The following ENTREP2 variants were observed in gnomAD, a reference collection of about 807,000 sequenced individuals.
The protein encoded by ENTREP2 is protein ENTREP2.
chr15:29,363,506 TG>T, the ENTREP2 span, among the ~76,000 whole-genome samples: 1 of 152,166 alleles, frequency 6.6e-6, no homozygotes, highest in South Asian at 2.1e-4. Flanking sequence ...AAGACACTTT[TG>T]AAAAGAAGTT....
chr15:29,356,730 A>G, the ENTREP2 span, among the ~76,000 whole-genome samples: 4 of 152,200 alleles, frequency 2.6e-5, no homozygotes, highest in African/African-American at 7.2e-5. Flanking sequence ...ATACTCTGGA[A>G]AAGACCAAAA....
At chr15:29,637,866 G>A in the ENTREP2 span, among the ~76,000 whole-genome samples, 1 of 152,202 alleles carries the variant, frequency 6.6e-6, no homozygotes, top group Non-Finnish European at 1.5e-5. Context: ...CACTGCCAAC[G>A]CTGGTCCATG....
At chr15:29,546,339 C>T in the ENTREP2 span, among the ~76,000 whole-genome samples, 1 of 152,078 alleles carries the variant, frequency 6.6e-6, no homozygotes, top group Admixed American at 6.5e-5. Flanking sequence ...AACAGATAAT[C>T]AGTGCAAAGT....
the ENTREP2 span, among the ~76,000 whole-genome samples, chr15:29,389,188 G>A: frequency 6.7e-6 from 1 of 150,274 alleles, no homozygotes; most frequent in East Asian, 1.9e-4. Context: ...TCAGGAAGGA[G>A]CCCTCACCAG....
the ENTREP2 span, among the ~76,000 whole-genome samples, chr15:29,207,797 G>A: frequency 6.6e-6 from 1 of 152,088 alleles, no homozygotes; most frequent in African/African-American, 2.4e-5. Flanking sequence ...TCCTGGAGAG[G>A]TGCTAAATCC....
chr15:29,465,527 T>C, the ENTREP2 span, among the ~76,000 whole-genome samples: 194 of 152,304 alleles, frequency 1.3e-3, 7 homozygotes, highest in South Asian at 0.038. Context: ...CACCTTCTGA[T>C]ACCCTACAGT....
chr15:29,362,468 G>A, the ENTREP2 span, among the ~76,000 whole-genome samples: 4 of 140,540 alleles, frequency 2.8e-5, no homozygotes, highest in South Asian at 4.7e-4. Context: ...TCCGCCTCCC[G>A]GGTTCAAGAG....
At chr15:29,642,509 C>CACAT in the ENTREP2 span, among the ~76,000 whole-genome samples, 1 of 133,986 alleles carries the variant, frequency 7.5e-6, no homozygotes, top group African/African-American at 2.7e-5. Context: ...ACATATATAT[C>CACAT]ATATATACAT....
the ENTREP2 span, among the ~76,000 whole-genome samples, chr15:29,618,556 G>C: frequency 6.6e-6 from 1 of 152,170 alleles, no homozygotes; most frequent in African/African-American, 2.4e-5. Flanking sequence ...TAATAGAACA[G>C]AGAAACACAG....
the ENTREP2 span, among the ~76,000 whole-genome samples, chr15:29,402,265 T>TATATATATATATATATATATATATAAAC: frequency 7.3e-6 from 1 of 137,854 alleles, no homozygotes; most frequent in African/African-American, 2.6e-5. Context: ...TATATATATA[T>TATATATATATATATATATATATATAAAC]ACACACACAT....
the ENTREP2 span, chr15:29,124,552 A>G: frequency 1.5e-6 from 1 of 676,728 alleles, no homozygotes; most frequent in Non-Finnish European, 2.5e-6. Context: ...CCTCAAAGCC[A>G]GACAGTGGGC....
the ENTREP2 span, among the ~76,000 whole-genome samples, chr15:29,346,254 C>A: frequency 6.6e-6 from 1 of 152,192 alleles, no homozygotes; most frequent in Admixed American, 6.5e-5. Flanking sequence ...GGAAGCAGAG[C>A]ATGTCACCAA....
the ENTREP2 span, among the ~76,000 whole-genome samples, chr15:29,426,787 T>C: frequency 3.3e-5 from 5 of 152,204 alleles, no homozygotes; most frequent in African/African-American, 4.8e-5. Flanking sequence ...ATTTACTCCA[T>C]TGGCTTTTGG....
At chr15:29,522,213 C>G in the ENTREP2 span, among the ~76,000 whole-genome samples, 2 of 152,128 alleles carry the variant, frequency 1.3e-5, no homozygotes, top group Non-Finnish European at 2.9e-5. Context: ...CTTTATAACT[C>G]TGGATTAGGC....
the ENTREP2 span, among the ~76,000 whole-genome samples, chr15:29,529,902 C>T: frequency 6.6e-6 from 1 of 152,112 alleles, no homozygotes; most frequent in Non-Finnish European, 1.5e-5. Flanking sequence ...AGAAGTTAAG[C>T]GGTGTTTCTT....
the ENTREP2 span, among the ~76,000 whole-genome samples, chr15:29,608,009 C>G: frequency 6.6e-6 from 1 of 152,152 alleles, no homozygotes; most frequent in African/African-American, 2.4e-5. Flanking sequence ...GGGCAGGAAG[C>G]ATCCAGCATG....
the ENTREP2 span, among the ~76,000 whole-genome samples, chr15:29,185,071 C>T: frequency 3.8e-3 from 562 of 149,186 alleles, 2 homozygotes; most frequent in African/African-American, 0.013. Flanking sequence ...CAGAACAAGA[C>T]TCTGTCTCAA....
the ENTREP2 span, among the ~76,000 whole-genome samples, chr15:29,485,839 G>A: frequency 6.6e-6 from 1 of 152,154 alleles, no homozygotes; most frequent in Admixed American, 6.5e-5. Context: ...AGTTGCAATG[G>A]CTATTATCAA....
the ENTREP2 span, among the ~76,000 whole-genome samples, chr15:29,482,284 A>G: frequency 6.6e-6 from 1 of 151,716 alleles, no homozygotes; most frequent in South Asian, 2.1e-4. Context: ...TGCTGAGATT[A>G]CAGGCGTGAG....
Sources: allele counts gnomAD v4.1 joint callset (sites outside exome capture counted in the v4.1 genomes callset), GRCh38; gene constraint gnomAD v4.1.1; transcripts MANE v1.5; gene names NCBI Gene and HGNC (gene_info 2026-07-23, HGNC 2026-07-21).